The following MYO9B variants were observed in gnomAD, a reference collection of about 807,000 sequenced individuals.
MYO9B encodes unconventional myosin-IXb.
Under a neutral mutation model 229.5 loss-of-function variants are expected in MYO9B, and 71 were observed. The ratio of observed to expected loss-of-function variants is 0.31; its 90% CI spans 0.26 to 0.38. The LOEUF is 0.38. Among genes scored for constraint, MYO9B ranks in the 10% least tolerant of loss-of-function variants. MYO9B has a pLI of 1.00. For missense variants in MYO9B, 2,255 were observed against 2,920.5 expected (o/e 0.77, Z 5.25); for synonymous variants, 1,185 against 1,235.8 (o/e 0.96, Z 0.86).
chr19:17,197,724 C>A lies in MYO9B; in HGVS notation c.4047-68C>A, dbSNP rs150307590. The A allele has an allele frequency of 2.2e-5, 35 of 1,577,192 alleles. No individual in the cohort carries two copies. The African/African-American group carries it at 3.9e-4, about 18-fold the overall frequency. ...AACTGCCCAAGTGAGAACCCAAGAA[C>A]CACTAAGACAAGAAAATGCCACTGA... On this transcript the variant is annotated intron_variant, in intron 22 of 39. Coordinates refer to ENST00000682292, the MANE Select transcript of MYO9B (RefSeq NM_004145.4).
intron 14 of MYO9B, among the ~76,000 whole-genome samples, chr19:17,176,090 C>T (rs771853805): frequency 3.3e-5 from 5 of 152,148 alleles, no homozygotes; most frequent in Admixed American, 6.6e-5. Context: ...AGTGCAGTGG[C>T]GTGATCTCGG....
At chr19:17,185,449 G>A (rs998410823) in intron 17 of MYO9B, among the ~76,000 whole-genome samples, 1 of 151,568 alleles carries the variant, frequency 6.6e-6, no homozygotes, top group African/African-American at 2.4e-5. Flanking sequence ...GGGAGGCTGA[G>A]GCAGGAGAAT....
rs761759549 is a variant in MYO9B, at chr19:17,154,034, A to G, written c.1066A>G (p.Lys356Glu). ...SEEERQEFQL[K>E]QPEDYFYLNQ... ...GGAAGAGCGCCAAGAATTTCAGCTC[A>G]AGCAGCCTGAAGATTATTTCTACCT... The change falls in exon 5 of 40, where the codon AAG becomes GAG. Residue 356 changes from lysine to glutamate, a missense_variant. Lys to Glu is a moderately conservative substitution (Grantham distance 56). Coordinates refer to ENST00000682292, the MANE Select transcript of MYO9B (RefSeq NM_004145.4). 7 of 1,613,362 alleles carry G rather than the reference A, an allele frequency of 4.3e-6. No homozygotes were observed. In the South Asian group the frequency reaches 5.5e-5, roughly 13 times the overall value.
chr19:17,132,525 A>ATTTTTTTTTTT (rs35184435), intron 2 of MYO9B, among the ~76,000 whole-genome samples: 3 of 116,364 alleles, frequency 2.6e-5, no homozygotes, highest in East Asian at 2.5e-4. Context: ...TATTATTATT[A>ATTTTTTTTTTT]TTTTTTTTTT....
chr19:17,149,256 G>A lies in MYO9B; in HGVS notation c.936-3388G>A, dbSNP rs550611901. 2.6e-5 allele frequency among the ~76,000 whole-genome samples: 4 copies of A among 152,306 alleles called. No individual in the cohort carries two copies. In the South Asian group the frequency reaches 6.2e-4, roughly 24 times the overall value. ...GCCCCCCAAAGCTCTGGGGATTACA[G>A]GCATGAGCCACTGCGCCCAGCTCCC... On this transcript the variant is annotated intron_variant, in intron 3 of 39. Transcript: ENST00000682292.
intron 2 of MYO9B, among the ~76,000 whole-genome samples, chr19:17,112,550 G>A (rs2057857818): frequency 1.3e-5 from 2 of 152,228 alleles, no homozygotes; most frequent in Non-Finnish European, 2.9e-5. Flanking sequence ...GCGGGGATGT[G>A]CCAGATCTGA....
At chr19:17,117,563 G>A (rs1599340224) in intron 2 of MYO9B, among the ~76,000 whole-genome samples, 1 of 152,180 alleles carries the variant, frequency 6.6e-6, no homozygotes, top group African/African-American at 2.4e-5. Context: ...CCTAGAGGGG[G>A]TTCTCTGTAA....
intron 14 of MYO9B, among the ~76,000 whole-genome samples, chr19:17,179,041 A>AG (rs1358193499): frequency 6.6e-6 from 1 of 151,558 alleles, no homozygotes; most frequent in African/African-American, 2.4e-5. Context: ...AAAAAAAAAA[A>AG]AAAAAAACTA....
chr19:17,150,935 C>T (rs1321649402), intron 3 of MYO9B, among the ~76,000 whole-genome samples: 2 of 140,910 alleles, frequency 1.4e-5, no homozygotes, highest in African/African-American at 2.5e-5. Flanking sequence ...TCCTGAGGGA[C>T]CTCTGAGAAC....
In MYO9B at chr19:17,206,667, C is replaced by T; in HGVS notation, c.5387-12C>T. On this transcript the variant is annotated splice_polypyrimidine_tract_variant and intron_variant, in intron 33 of 39. Coordinates refer to ENST00000682292, the MANE Select transcript of MYO9B (RefSeq NM_004145.4). ...CTTGGGAGCTGACGTCCTCAAACCCCACTGCCTGCAGAGCTGCCGGAGAAG... is the reference window on the plus strand; with the variant it reads ...CTTGGGAGCTGACGTCCTCAAACCCTACTGCCTGCAGAGCTGCCGGAGAAG... The T allele has an allele frequency of 1.3e-6, 2 of 1,560,396 alleles. No homozygotes were observed. The highest frequency in any genetic ancestry group is 1.7e-6 in the Non-Finnish European group (2 of 1,152,670).
chr19:17,131,853 G>A lies in MYO9B; in HGVS notation c.841-13544G>A, dbSNP rs564216046. On this transcript the variant is annotated intron_variant, in intron 2 of 39. Transcript: ENST00000682292. The stretch of plus-strand genomic sequence containing the variant: ...GATTTCTTTCTTCTGTGCTTTTCAC[G>A]AGGTTTTTAAAATTTTTCTTTAATT... Among the ~76,000 whole-genome samples, 21 of 151,684 alleles carry A rather than the reference G, an allele frequency of 1.4e-4. No individual in the cohort carries two copies. In the South Asian group the frequency reaches 4.0e-3, roughly 29 times the overall value.
chr19:17,172,903 G>T lies in MYO9B; in HGVS notation c.2080G>T (p.Ala694Ser). Residue 694 changes from alanine (A) to serine (S), a missense_variant, in exon 13 of 40, where the codon GCC becomes TCC. Around this residue, in one of 7 missense-constraint regions of MYO9B, gnomAD observed 155 missense variants for 159.1 expected, o/e 0.97. Coordinates refer to ENST00000682292, the MANE Select transcript of MYO9B (RefSeq NM_004145.4). The surrounding 1 kb of genome is among the most constrained non-coding windows in gnomAD (Gnocchi z 8.2). ...GGCCGTGCTCCGGGCTGCTATCCGG[G>T]CCATGGCAGTGCTTCGGGAGGCCGG... is the stretch of plus-strand genomic sequence containing the variant. ...RWAVLRAAIR[A>S]MAVLREAGRL... 1 of 1,602,090 alleles carries T rather than the reference G, an allele frequency of 6.2e-7. No individual in the cohort carries two copies. Among genetic ancestry groups the T allele is most frequent in the Non-Finnish European group, 8.5e-7 (1 of 1,179,722 alleles).
At chr19:17,196,954 A>G (rs2073049654) in intron 22 of MYO9B, among the ~76,000 whole-genome samples, 1 of 151,900 alleles carries the variant, frequency 6.6e-6, no homozygotes, top group African/African-American at 2.4e-5. Context: ...TGGGAGGAAG[A>G]TAGAGATGAT....
chr19:17,146,410 G>A (rs1207430302), intron 3 of MYO9B, among the ~76,000 whole-genome samples: 3 of 151,976 alleles, frequency 2.0e-5, no homozygotes, highest in Non-Finnish European at 2.9e-5. Flanking sequence ...TGGATGGGTG[G>A]GTGGATGGAT....
intron 11 of MYO9B, 73 bp downstream of exon 11, chr19:17,168,137 G>A (rs1045144368): frequency 5.8e-6 from 9 of 1,560,320 alleles, no homozygotes; most frequent in African/African-American, 1.4e-5. Context: ...AGCCCCCAGA[G>A]CCTTACCCCA....
chr19:17,194,470 G>A lies in MYO9B; in HGVS notation c.3129-86G>A, dbSNP rs1348886846. The A allele has an allele frequency of 2.8e-5, 41 of 1,474,114 alleles. 1 individual carries two copies. Among genetic ancestry groups the A allele is most frequent in the South Asian group, 1.2e-4 (10 of 80,788 alleles). 91.3% of individuals were successfully genotyped at this position (1,474,114 alleles called of 1,614,324 possible). On this transcript the variant is annotated intron_variant, in intron 21 of 39. Transcript: ENST00000682292. ...ACAGGCGAAGCCCCGTCTGCAGCCC[G>A]CAGGCTGGGGGTCCCATCGGAACTC... is the stretch of plus-strand genomic sequence containing the variant.
intron 8 of MYO9B, 136 bp from the exon 9 acceptor site, chr19:17,162,214 A>G: frequency 1.5e-6 from 1 of 659,292 alleles, no homozygotes; most frequent in Non-Finnish European, 2.6e-6. Flanking sequence ...CTGAGACAGG[A>G]GAATCTCTTG....
At chr19:17,126,499 A>C (rs2058020776) in intron 2 of MYO9B, among the ~76,000 whole-genome samples, 1 of 152,158 alleles carries the variant, frequency 6.6e-6, no homozygotes, top group Admixed American at 6.6e-5. Context: ...CCTAGGGGCC[A>C]CCCAGTCTCT....
intron 2 of MYO9B, among the ~76,000 whole-genome samples, chr19:17,111,573 C>A (rs2057848543): frequency 6.6e-6 from 1 of 152,150 alleles, no homozygotes. Context: ...CAGGTGCACA[C>A]CACCACCCCT....
Sources: gnomAD v4.1 joint callset for allele counts (sites outside exome capture counted in the v4.1 genomes callset) on GRCh38, gnomAD v4.1.1 for gene constraint, gnomAD v4.1.1 regional missense constraint, Gnocchi (gnomAD v3.1) non-coding constraint, MANE v1.5 for transcripts, NCBI Gene and HGNC (gene_info 2026-07-23, HGNC 2026-07-21) for gene names.